The following HCN3 variants were observed in gnomAD, a reference collection of about 807,000 sequenced individuals.
HCN3 encodes the protein potassium/sodium hyperpolarization-activated cyclic nucleotide-gated channel 3.
Under a neutral mutation model 56.8 loss-of-function variants are expected in HCN3, and 36 were observed. The observed-to-expected ratio is 0.63, with a 90% CI of 0.49 to 0.84. The LOEUF is 0.84. HCN3 is among the 40% of genes least tolerant of loss of function. The pLI, the probability that HCN3 is intolerant of heterozygous loss-of-function variation, is 0.00. For missense variants in HCN3, 930 were observed against 1,079.3 expected (o/e 0.86, Z 1.94); for synonymous variants, 425 against 439.7 (o/e 0.97, Z 0.42).
rs199859586 is a variant in HCN3 at position 155,287,288 on chromosome 1, G to C, written c.1593G>C (p.Met531Ile). 76 of 1,614,016 alleles carry C rather than the reference G, an allele frequency of 4.7e-5. No homozygotes were observed. Among genetic ancestry groups the C allele is most frequent in the Non-Finnish European group, 6.3e-5 (74 of 1,179,932 alleles). ...HFNAVLEEFP[M>I]MRRAFETVAM... ...ATGCTGTGCTTGAGGAGTTCCCCATGATGCGCCGGGCCTTTGAGACTGTGG... is the reference window on the plus strand; with the variant it reads ...ATGCTGTGCTTGAGGAGTTCCCCATCATGCGCCGGGCCTTTGAGACTGTGG... Residue 531 changes from methionine (M) to isoleucine (I), a missense_variant, in exon 7 of 8, where the codon ATG (methionine) becomes ATC (isoleucine). Transcript: ENST00000368358.
Position 155,282,636 on chromosome 1 carries a change from C to T in HCN3, c.504C>T (p.Tyr168=), listed in dbSNP as rs1157080525. The change falls in exon 2 of 8, where the codon TAC becomes TAT. Residue 168 remains tyrosine, a synonymous_variant. Transcript: ENST00000368358. This position sits in a 1 kb window ranked among gnomAD's most constrained non-coding sequence, Gnocchi z 4.7. ...LLAPRAIRTR[Y]LRTWFLVDLI... ...CACCGCGGGCCATCCGCACGCGCTA[C>T]CTGCGCACCTGGTTCCTGGTTGACC... 1.9e-6 allele frequency: 3 copies of T among 1,614,244 alleles called. No homozygotes were observed. In the South Asian group the frequency reaches 3.3e-5, roughly 18 times the overall value.
chr1:155,280,410 C>G (rs1271659332), intron 1 of HCN3, among the ~76,000 whole-genome samples: 1 of 151,100 alleles, frequency 6.6e-6, no homozygotes, highest in African/African-American at 2.4e-5. Flanking sequence ...ATTGGGATTA[C>G]AGGTGCGCGC....
Position 155,288,134 on chromosome 1 carries a change from G to A in HCN3, c.1996G>A (p.Ala666Thr), listed in dbSNP as rs956648618. ...GGTGCCCGTCCGAGCTGGCCCATGGGCATCCACCTCCCGCCTGCCCGCCCC... is the reference window on the plus strand; with the variant it reads ...GGTGCCCGTCCGAGCTGGCCCATGGACATCCACCTCCCGCCTGCCCGCCCC... ...PLVPVRAGPW[A>T]STSRLPAPPA... Residue 666 changes from alanine to threonine, a missense_variant, in exon 8 of 8, where the codon GCA becomes ACA. By Grantham distance (58) the Ala-to-Thr change is moderately conservative (BLOSUM62 0). Coordinates refer to ENST00000368358, the MANE Select transcript of HCN3 (RefSeq NM_020897.3). This position sits in a 1 kb window ranked among gnomAD's most constrained non-coding sequence, Gnocchi z 6.5. 2.1e-5 allele frequency: 33 copies of A among 1,594,728 alleles called. No homozygotes were observed. The highest frequency in any genetic ancestry group is 1.1e-4 in the African/African-American group (8 of 74,264).
chr1:155,285,302 G>T lies in HCN3; in HGVS notation c.1227G>T (p.Pro409=). ...EESILGELSE[P]LREEIINFTC... ...GCATCCTGGGCGAGCTGAGCGAGCC[G>T]CTTCGCGAGGTGGGGCTGGGTTGGG... The change falls in exon 5 of 8, where the codon CCG becomes CCT. Residue 409 remains proline (P), a synonymous_variant. Coordinates refer to ENST00000368358, the MANE Select transcript of HCN3 (RefSeq NM_020897.3). This position sits in a 1 kb window ranked among gnomAD's most constrained non-coding sequence, Gnocchi z 4.5. The T allele has an allele frequency of 6.2e-7, 1 of 1,613,656 alleles. No individual in the cohort carries two copies.
In HCN3 at chr1:155,289,614, A is replaced by C. The variant is rs1674447653; in HGVS notation, c.*1151A>C. 6.6e-6 allele frequency: 1 copy of C among 152,528 alleles called. No homozygotes were observed. The highest frequency in any genetic ancestry group is 2.4e-5 in the African/African-American group (1 of 41,450). The allele number at this position is 152,528 out of a possible 1,614,324, so 9.4% of individuals were successfully genotyped here. ...AATAAGGGAAAGGCCCAAGGTATCCAAGCCTGGGGAAGGGCAGGCCAGCCA... is the reference window on the plus strand; with the variant it reads ...AATAAGGGAAAGGCCCAAGGTATCCCAGCCTGGGGAAGGGCAGGCCAGCCA... On this transcript the variant is annotated 3_prime_UTR_variant, in exon 8 of 8. Coordinates refer to ENST00000368358, the MANE Select transcript of HCN3 (RefSeq NM_020897.3).
Position 155,277,887 on chromosome 1 carries a change from G to C in HCN3, c.278+19G>C, listed in dbSNP as rs1405447000. 1 of 1,610,318 alleles carries C rather than the reference G, an allele frequency of 6.2e-7. No homozygotes were observed. The highest frequency in any genetic ancestry group is 1.7e-5 in the Admixed American group (1 of 59,916). The stretch of plus-strand genomic sequence containing the variant: ...ACTTCCGGTATTGGGGGCTTGGCGG[G>C]GAGGGCAGGGTACATCAATCCCACC... On this transcript the variant is annotated intron_variant, in intron 1 of 7. Coordinates refer to ENST00000368358, the MANE Select transcript of HCN3 (RefSeq NM_020897.3).
chr1:155,280,738 ATTTTTTTT>A (rs34480594), intron 1 of HCN3, among the ~76,000 whole-genome samples: 13 of 34,538 alleles, frequency 3.8e-4, no homozygotes, highest in African/African-American at 1.3e-3. Flanking sequence ...ACGCCCAGCT[ATTTTTTTT>A]TTTTTTTTTT....
chr1:155,286,868 G>A (rs1441867412), intron 6 of HCN3, among the ~76,000 whole-genome samples: 1 of 152,142 alleles, frequency 6.6e-6, no homozygotes, highest in Admixed American at 6.5e-5. Context: ...CAGTCGGGGA[G>A]GGGTGGGAGT....
rs529859172 is a variant in HCN3, at chr1:155,285,145, G to T, written c.1090-20G>T. On this transcript the variant is annotated intron_variant, in intron 4 of 7. Transcript: ENST00000368358. This position sits in a 1 kb window ranked among gnomAD's most constrained non-coding sequence, Gnocchi z 4.5. ...CTCTCCCTCTGTCCTCTTGCCCCTG[G>T]CAATGGGCTGGCCCTCCAGTACAAG... is the stretch of plus-strand genomic sequence containing the variant. 2.6e-5 allele frequency: 42 copies of T among 1,610,994 alleles called. No individual in the cohort carries two copies. In the South Asian group the frequency reaches 4.1e-4, roughly 16 times the overall value.
At position 155,282,886 on chromosome 1, in the gene HCN3, G is replaced by A; in HGVS notation, c.708+46G>A. On this transcript the variant is annotated intron_variant, in intron 2 of 7. Coordinates refer to ENST00000368358, the MANE Select transcript of HCN3 (RefSeq NM_020897.3). This position sits in a 1 kb window ranked among gnomAD's most constrained non-coding sequence, Gnocchi z 4.7. Reference sequence around the variant, plus strand: ...GCGGGGCAGTGGGTGGGGGATGTTGGGGGAGAAGGGGGCGGGGCGGCTGGT... The same window carrying A: ...GCGGGGCAGTGGGTGGGGGATGTTGAGGGAGAAGGGGGCGGGGCGGCTGGT... The A allele has an allele frequency of 6.8e-7, 1 of 1,462,400 alleles. No individual in the cohort carries two copies. Among genetic ancestry groups the A allele is most frequent in the South Asian group, 1.2e-5 (1 of 80,244 alleles). 90.6% of individuals were successfully genotyped at this position (1,462,400 alleles called of 1,614,324 possible). A position where few individuals can be genotyped will look rare whatever the true frequency, so the allele number is the denominator to read the frequency against.
At position 155,288,375 on chromosome 1, in the gene HCN3, C is replaced by A; in HGVS notation, c.2237C>A (p.Ala746Asp). 1 of 1,613,842 alleles carries A rather than the reference C, an allele frequency of 6.2e-7. No individual in the cohort carries two copies. The highest frequency in any genetic ancestry group is 8.5e-7 in the Non-Finnish European group (1 of 1,179,998). ...SERLPPSGLL[A>D]KPPRTAQPPR... ...CGGCTGCCTCCCTCAGGGCTCCTGGCCAAACCTCCAAGGACAGCCCAGCCC... is the reference window on the plus strand; with the variant it reads ...CGGCTGCCTCCCTCAGGGCTCCTGGACAAACCTCCAAGGACAGCCCAGCCC... The change falls in exon 8 of 8, where the codon GCC becomes GAC. Residue 746 changes from alanine to aspartate, a missense_variant. Ala to Asp is a moderately radical substitution (Grantham distance 126, BLOSUM62 -2). Transcript: ENST00000368358. This position sits in a 1 kb window ranked among gnomAD's most constrained non-coding sequence, Gnocchi z 6.5.
intron 1 of HCN3, among the ~76,000 whole-genome samples, chr1:155,278,798 G>C (rs577721200): frequency 1.3e-5 from 2 of 151,980 alleles, no homozygotes; most frequent in South Asian, 4.2e-4. Context: ...TTGCTGCCTC[G>C]TTCCCACCCA....
intron 2 of HCN3, 79 bp from the exon 3 acceptor site, chr1:155,283,895 G>A (rs1221763548): frequency 6.7e-7 from 1 of 1,498,082 alleles, no homozygotes; most frequent in African/African-American, 1.4e-5. Flanking sequence ...GTTCAGAAGA[G>A]AATTTGCCAG....
Position 155,287,322 on chromosome 1 carries a change from C to G in HCN3, c.1627C>G (p.Arg543Gly). 1 of 1,613,980 alleles carries G rather than the reference C, an allele frequency of 6.2e-7. No homozygotes were observed. The highest frequency in any genetic ancestry group is 8.5e-7 in the Non-Finnish European group (1 of 1,179,940). The change falls in exon 7 of 8, where the codon CGG becomes GGG. Residue 543 changes from arginine to glycine, a missense_variant. Arg to Gly is a moderately radical substitution (Grantham distance 125). Transcript: ENST00000368358. ...GGCCTTTGAGACTGTGGCCATGGAT[C>G]GGCTGCTCCGCATCGGTGAGACCTG... ...RRAFETVAMD[R>G]LLRIGKKNSI...
chr1:155,281,157 G>A (rs1400701311), intron 1 of HCN3, among the ~76,000 whole-genome samples: 31 of 146,516 alleles, frequency 2.1e-4, no homozygotes, highest in African/African-American at 5.6e-4. Context: ...TGCAGCCTCC[G>A]CCTCCCGGGT....
Position 155,285,860 on chromosome 1 carries a change from A to T in HCN3, c.1373A>T (p.Glu458Val), listed in dbSNP as rs1264968813. 1.2e-6 allele frequency: 2 copies of T among 1,614,162 alleles called. No homozygotes were observed. Among genetic ancestry groups the T allele is most frequent in the Admixed American group, 3.3e-5 (2 of 60,012 alleles). The change falls in exon 6 of 8, where the codon GAG becomes GTG. Residue 458 changes from glutamate (E) to valine (V), a missense_variant. Physicochemically the swap from Glu to Val is moderately radical, Grantham distance 121. Coordinates refer to ENST00000368358, the MANE Select transcript of HCN3 (RefSeq NM_020897.3). The surrounding 1 kb of genome is among the most constrained non-coding windows in gnomAD (Gnocchi z 4.5). ...VFQPGDLVVR[E>V]GSVGRKMYFI... ...CAGCCGGGGGATCTCGTGGTGCGTG[A>T]GGGCTCCGTGGGGAGGAAGATGTAC...
chr1:155,288,351 G>C lies in HCN3; in HGVS notation c.2213G>C (p.Arg738Pro), dbSNP rs751908954. 45 of 1,613,754 alleles carry C rather than the reference G, an allele frequency of 2.8e-5. No individual in the cohort carries two copies. In the Middle Eastern group the frequency reaches 4.9e-4, roughly 18 times the overall value. ...SPGRKGSGSE[R>P]LPPSGLLAKP... is the part of the protein sequence containing the mutation. ...GGGCGTAAGGGATCAGGAAGTGAGC[G>C]GCTGCCTCCCTCAGGGCTCCTGGCC... Residue 738 changes from arginine to proline, a missense_variant, in exon 8 of 8, where the codon CGG (arginine) becomes CCG (proline). By Grantham distance (103) the Arg-to-Pro change is moderately radical (BLOSUM62 -2). Transcript: ENST00000368358. The surrounding 1 kb of genome is among the most constrained non-coding windows in gnomAD (Gnocchi z 6.5).
chr1:155,287,869 T>C lies in HCN3; in HGVS notation c.1731T>C (p.His577=), dbSNP rs1259894267. 1.2e-6 allele frequency: 2 copies of C among 1,613,904 alleles called. No individual in the cohort carries two copies. Among genetic ancestry groups the C allele is most frequent in the Non-Finnish European group, 1.7e-6 (2 of 1,180,000 alleles). Residue 577 remains histidine, a synonymous_variant, in exon 8 of 8, where the codon CAT becomes CAC. Transcript: ENST00000368358. ...TCATGGAGCAGCACTTGGTGCAACA[T>C]GACAGAGACATGGCTCGGGGTGTTC... ...GGIMEQHLVQ[H]DRDMARGVRG...
chr1:155,278,970 G>A (rs1253903677), intron 1 of HCN3, among the ~76,000 whole-genome samples: 1 of 151,656 alleles, frequency 6.6e-6, no homozygotes, highest in Non-Finnish European at 1.5e-5. Flanking sequence ...AGGCTGTGAA[G>A]ATGCTTTCAT....
Sources: allele counts gnomAD v4.1 joint callset (sites outside exome capture counted in the v4.1 genomes callset), GRCh38; gene constraint gnomAD v4.1.1; non-coding constraint Gnocchi (gnomAD v3.1); transcripts MANE v1.5; gene names NCBI Gene and HGNC (gene_info 2026-07-23, HGNC 2026-07-21).